The following LYZL1 variants were observed in gnomAD, a reference collection of about 807,000 sequenced individuals.
LYZL1 encodes the protein lysozyme-like protein 1.
In LYZL1, 16 loss-of-function variants were observed where a neutral mutation model predicts 17.9. The ratio of observed to expected loss-of-function variants is 0.90; its 90% CI spans 0.61 to 1.36. LYZL1 has a LOEUF of 1.36. Ranked by LOEUF, LYZL1 falls within the 40% of genes most tolerant of loss-of-function variation. LYZL1 has a pLI of 0.00. For missense variants in LYZL1, 149 were observed against 188.4 expected (o/e 0.79, Z 1.22); for synonymous variants, 58 against 71.8 (o/e 0.81, Z 0.97).
At chr10:29,302,468 G>A (rs952945755) in intron 3 of LYZL1, among the ~76,000 whole-genome samples, 5 of 152,180 alleles carry the variant, frequency 3.3e-5, no homozygotes, top group African/African-American at 1.2e-4. Flanking sequence ...ATAAACGGGT[G>A]GGAAGAGGTG....
intron 3 of LYZL1, among the ~76,000 whole-genome samples, chr10:29,295,420 TTTGAACC>T (rs1835434447): frequency 6.6e-6 from 1 of 152,208 alleles, no homozygotes; most frequent in African/African-American, 2.4e-5. Context: ...AGGCATGACT[TTTGAACC>T]CTTCTCTGTC....
At chr10:29,316,877 C>T (rs1192330075) in intron 3 of LYZL1, among the ~76,000 whole-genome samples, 3 of 151,988 alleles carry the variant, frequency 2.0e-5, no homozygotes, top group African/African-American at 7.3e-5. Flanking sequence ...CCACCACTCG[C>T]AGCTAACTTT....
At chr10:29,294,230 C>G (rs1299042744) in intron 3 of LYZL1, among the ~76,000 whole-genome samples, 1 of 152,050 alleles carries the variant, frequency 6.6e-6, no homozygotes, top group African/African-American at 2.4e-5. Context: ...GGCTAACGAC[C>G]ATCTGAGTGT....
chr10:29,305,179 C>A (rs1835573885), intron 3 of LYZL1, among the ~76,000 whole-genome samples: 1 of 152,124 alleles, frequency 6.6e-6, no homozygotes, highest in Non-Finnish European at 1.5e-5. Flanking sequence ...AAACACAAAC[C>A]ACAGTGTCTC....
At chr10:29,315,944 C>T (rs1159719251), downstream of LYZL1, among the ~76,000 whole-genome samples, 1 of 152,234 alleles carries the variant, frequency 6.6e-6, no homozygotes, top group African/African-American at 2.4e-5. Context: ...GATGCTTCTC[C>T]AGGTTGCCAG....
intron 2 of LYZL1, among the ~76,000 whole-genome samples, chr10:29,292,309 G>T (rs528328549): frequency 6.6e-6 from 1 of 151,634 alleles, no homozygotes; most frequent in Non-Finnish European, 1.5e-5. Flanking sequence ...ATTAGGCTCA[G>T]CCCCTGACTG....
At chr10:29,318,231 C>G in exon 5 of LYZL1, 1 of 972,722 alleles carries the variant, frequency 1.0e-6, no homozygotes, top group Non-Finnish European at 1.2e-6. Context: ...AGACCACAAC[C>G]CCAGTGGCAA....
At chr10:29,306,325 C>T (rs1241222919) in intron 3 of LYZL1, among the ~76,000 whole-genome samples, 1 of 150,082 alleles carries the variant, frequency 6.7e-6, no homozygotes, top group South Asian at 2.1e-4. Flanking sequence ...CCGAGGCGGG[C>T]GGATCACGAG....
chr10:29,293,330 T>C (rs1835403290), intron 3 of LYZL1, among the ~76,000 whole-genome samples: 1 of 151,960 alleles, frequency 6.6e-6, no homozygotes, highest in Non-Finnish European at 1.5e-5. Context: ...GGAGTCCCGT[T>C]ATGGGGTCCC....
chr10:29,312,339 C>G (rs562829430), downstream of LYZL1, among the ~76,000 whole-genome samples: 2 of 152,140 alleles, frequency 1.3e-5, no homozygotes, highest in African/African-American at 4.8e-5. Context: ...TGAATGTGGC[C>G]CAACACAAAT....
chr10:29,292,435 A>G (rs1857152), intron 2 of LYZL1, 84 bp from the exon 3 acceptor site: 62 of 1,556,410 alleles, frequency 4.0e-5, no homozygotes, highest in East Asian at 1.6e-4. Context: ...TCAGGTAACA[A>G]GGATAAGGAA....
At chr10:29,315,497 T>G (rs1835719273), downstream of LYZL1, among the ~76,000 whole-genome samples, 1 of 151,792 alleles carries the variant, frequency 6.6e-6, no homozygotes, top group South Asian at 2.1e-4. Context: ...GGCAGCAGAT[T>G]GAGACTCCAT....
intron 3 of LYZL1, among the ~76,000 whole-genome samples, chr10:29,316,902 A>T (rs763202090): frequency 6.6e-6 from 1 of 151,640 alleles, no homozygotes; most frequent in Admixed American, 6.6e-5. Flanking sequence ...TTTTTTTGTA[A>T]ATACAAGGTC....
rs549757199 is a variant in LYZL1 at position 29,305,303 on chromosome 10, G to A, written c.299-4807G>A. ...GATAATTACTTGAAAAATTAATAAA[G>A]TATATTTTAATTATTAACTTTATTA... On this transcript the variant is annotated intron_variant, in intron 3 of 4. Coordinates refer to ENST00000649382, the MANE Select transcript of LYZL1 (RefSeq NM_032517.6). 1.6e-4 allele frequency among the ~76,000 whole-genome samples: 25 copies of A among 152,274 alleles called. 1 individual carries two copies. The South Asian group carries it at 1.7e-3, about 10-fold the overall frequency.
In LYZL1 at chr10:29,289,086, C is replaced by T. The variant is rs375991849; in HGVS notation, c.-170C>T. On this transcript the variant is annotated 5_prime_UTR_variant, in exon 1 of 5. Transcript: ENST00000649382. ...TCTTGAGCTAGGAAAGGATTACTCG[C>T]GCCTCGTTAGAATCAGACATGGCTT... The T allele has an allele frequency of 1.2e-4, 178 of 1,535,556 alleles. No homozygotes were observed. The African/African-American group carries it at 1.3e-3, about 11-fold the overall frequency.
chr10:29,296,393 T>C (rs1202054124), intron 3 of LYZL1, among the ~76,000 whole-genome samples: 1 of 152,190 alleles, frequency 6.6e-6, no homozygotes, highest in Non-Finnish European at 1.5e-5. Flanking sequence ...TAGCATTAGC[T>C]ACTTCTGGAA....
chr10:29,318,157 G>T, exon 5 of LYZL1: 1 of 985,380 alleles, frequency 1.0e-6, no homozygotes, highest in Non-Finnish European at 1.2e-6. Flanking sequence ...ACAGGTCCCT[G>T]CTGCTAAGAA....
At chr10:29,298,449 C>T (rs1279014030) in intron 3 of LYZL1, among the ~76,000 whole-genome samples, 1 of 152,140 alleles carries the variant, frequency 6.6e-6, no homozygotes, top group African/African-American at 2.4e-5. Flanking sequence ...CTTCAGAAGT[C>T]AGAGGACATG....
At chr10:29,300,205 T>C (rs1014434174) in intron 3 of LYZL1, among the ~76,000 whole-genome samples, 1 of 151,722 alleles carries the variant, frequency 6.6e-6, no homozygotes, top group African/African-American at 2.4e-5. Context: ...TTATGCCATC[T>C]ATTCTTGGTT....
Sources: gnomAD v4.1 joint callset for allele counts (sites outside exome capture counted in the v4.1 genomes callset) on GRCh38, gnomAD v4.1.1 for gene constraint, MANE v1.5 for transcripts, NCBI Gene and HGNC (gene_info 2026-07-23, HGNC 2026-07-21) for gene names.